Variants in SYNE1 observed in about 807,000 individuals in gnomAD.
SYNE1 encodes the protein spectrin repeat containing nuclear envelope protein 1, also known as nesprin-1.
A neutral mutation model predicts 1,111.0 loss-of-function variants in SYNE1; 616 were observed. That is an observed-to-expected ratio of 0.55 (90% CI 0.52 to 0.59). The LOEUF (loss-of-function observed/expected upper bound fraction) is 0.59. Among genes scored for constraint, SYNE1 ranks in the 20% least tolerant of loss-of-function variants. The pLI is 0.00. For missense variants in SYNE1, 10,006 were observed against 10,417.0 expected (o/e 0.96, Z 1.72); for synonymous variants, 3,855 against 3,825.8 (o/e 1.01, Z -0.28).
chr6:152,207,528 A>G (rs2076739402), intron 125 of SYNE1, among the ~76,000 whole-genome samples: 1 of 152,204 alleles, frequency 6.6e-6, no homozygotes, highest in Non-Finnish European at 1.5e-5. Flanking sequence ...GTGATAGGAG[A>G]TATCTCTCTA....
chr6:152,225,664 G>C, intron 116 of SYNE1, 57 bp downstream of exon 116: 1 of 1,609,986 alleles, frequency 6.2e-7, no homozygotes, highest in Non-Finnish European at 8.5e-7. Context: ...AAAACCCAGA[G>C]TTTGGACAGA....
chr6:152,306,312 C>T lies in SYNE1; in HGVS notation c.17346+2177G>A, dbSNP rs550338814. On this transcript the variant is annotated intron_variant, in intron 91 of 145. Transcript: ENST00000367255. ...ACCAGCCTGGCCAACGTGGTGAAAC[C>T]CCGTCTCTACTAAAAATACAAAAAT... Among the ~76,000 whole-genome samples, 4 of 151,902 alleles carry T rather than the reference C, an allele frequency of 2.6e-5. No individual in the cohort carries two copies. In the East Asian group the frequency reaches 7.8e-4, roughly 30 times the overall value.
chr6:152,354,566 G>A, intron 67 of SYNE1, 93 bp downstream of exon 67: 1 of 1,510,350 alleles, frequency 6.6e-7, no homozygotes, highest in African/African-American at 1.4e-5. Flanking sequence ...CAAAGCCTAA[G>A]CTTTGGATAA....
At position 152,208,036 on chromosome 6, in the gene SYNE1, A is replaced by C; in HGVS notation, c.22760T>G (p.Met7587Arg). Residue 7587 changes from methionine (M) to arginine (R), a missense_variant, in exon 125 of 146, where the codon ATG becomes AGG. By Grantham distance (91) the Met-to-Arg change is moderately conservative. Transcript: ENST00000367255. ...TATAGGAACACTTCCGAGACCACTC[A>C]TGGGGAGGTAGGACACTTCAACCAA... ...KWLVEVSYLPMSGLGSVPIPL... is the reference protein window; with the variant it reads ...KWLVEVSYLPRSGLGSVPIPL... The C allele has an allele frequency of 6.2e-7, 1 of 1,614,146 alleles. No homozygotes were observed. Among genetic ancestry groups the C allele is most frequent in the Non-Finnish European group, 8.5e-7 (1 of 1,180,028 alleles).
intron 44 of SYNE1, among the ~76,000 whole-genome samples, chr6:152,408,832 A>T (rs2097951058): frequency 3.3e-5 from 5 of 152,114 alleles, no homozygotes; most frequent in Admixed American, 3.3e-4. Context: ...GCATGCCTGT[A>T]ATCCCAGCTA....
chr6:152,459,005 G>A, intron 21 of SYNE1, 75 bp from the exon 22 acceptor site: 2 of 1,301,406 alleles, frequency 1.5e-6, no homozygotes, highest in East Asian at 2.4e-5. Flanking sequence ...TCATAGCTCT[G>A]AGGAACATTT....
chr6:152,213,846 G>A (rs2078025333), intron 122 of SYNE1, 87 bp from the exon 123 acceptor site: 2 of 1,565,692 alleles, frequency 1.3e-6, no homozygotes, highest in African/African-American at 1.4e-5. Flanking sequence ...AATAATCTCT[G>A]TGCTCAATTC....
At chr6:152,458,701 C>T (rs2098712910) in intron 22 of SYNE1, 56 bp downstream of exon 22, 4 of 1,577,760 alleles carry the variant, frequency 2.5e-6, no homozygotes, top group Admixed American at 1.7e-5. Flanking sequence ...AAGCAACACC[C>T]TGGTCTTGTT....
intron 87 of SYNE1, 139 bp downstream of exon 87, chr6:152,316,710 C>G: frequency 1.1e-6 from 1 of 906,046 alleles, no homozygotes. Flanking sequence ...TACTGAACAA[C>G]TTAGGGGTAC....
chr6:152,446,342 T>C (rs2098591506), intron 29 of SYNE1, among the ~76,000 whole-genome samples: 1 of 152,160 alleles, frequency 6.6e-6, no homozygotes. Flanking sequence ...AAATAGGTTA[T>C]GTTCCAAAAT....
At position 152,442,178 on chromosome 6, in the gene SYNE1, C is replaced by G; in HGVS notation, c.3905G>C (p.Gly1302Ala). Residue 1302 changes from glycine (G) to alanine (A), a missense_variant, in exon 31 of 146, where the codon GGA becomes GCA. Transcript: ENST00000367255. ...VQQQIAQAQQ[G>A]EGGLPDRGHE... ...GCCTCGGTCAGGCAGCCCCCCTTCT[C>G]CCTGCTGCGCCTGCGCGATCTGCTG... 1 of 1,613,792 alleles carries G rather than the reference C, an allele frequency of 6.2e-7. No individual in the cohort carries two copies. The highest frequency in any genetic ancestry group is 2.2e-5 in the East Asian group (1 of 44,880).
chr6:152,450,845 T>A lies in SYNE1; in HGVS notation c.3187-12A>T. ...TCACTGAAGAAAACCTAATGTGTAA[T>A]AAATGTTTTTATAATCCCTGTGAGA... is the stretch of plus-strand genomic sequence containing the variant. On this transcript the variant is annotated splice_polypyrimidine_tract_variant and intron_variant, in intron 26 of 145. Transcript: ENST00000367255. The A allele has an allele frequency of 4.3e-6, 7 of 1,613,282 alleles. No individual in the cohort carries two copies. The highest frequency in any genetic ancestry group is 5.1e-6 in the Non-Finnish European group (6 of 1,179,494).
At chr6:152,323,361 C>T (rs1211463189) in intron 82 of SYNE1, 117 bp downstream of exon 82, 4 of 1,468,390 alleles carry the variant, frequency 2.7e-6, no homozygotes, top group Non-Finnish European at 3.7e-6. Context: ...ATGGCGTGAA[C>T]CCGGGAGGCG....
intron 126 of SYNE1, among the ~76,000 whole-genome samples, chr6:152,204,060 T>C (rs2076027664): frequency 6.6e-6 from 1 of 152,142 alleles, no homozygotes; most frequent in Non-Finnish European, 1.5e-5. Context: ...AAAAATTTAT[T>C]GATCTAAAAG....
At chr6:152,392,401 T>C (rs1399377648) in intron 51 of SYNE1, among the ~76,000 whole-genome samples, 2 of 152,312 alleles carry the variant, frequency 1.3e-5, no homozygotes, top group Middle Eastern at 3.4e-3. Context: ...TGTGGCTTGG[T>C]TGGTTTTATT....
At chr6:152,458,380 G>A (rs2098710857) in intron 22 of SYNE1, among the ~76,000 whole-genome samples, 1 of 152,178 alleles carries the variant, frequency 6.6e-6, no homozygotes, top group South Asian at 2.1e-4. Context: ...GCACACAGCA[G>A]ATGTTTATAA....
intron 67 of SYNE1, 122 bp downstream of exon 67, chr6:152,354,537 G>A (rs2154050323): frequency 9.3e-7 from 1 of 1,080,430 alleles, no homozygotes; most frequent in Non-Finnish European, 1.4e-6. Flanking sequence ...TAACTTTCTA[G>A]GTAATCAAAA....
rs943270737 is a variant in SYNE1, at chr6:152,331,561, G to A, written c.13124C>T (p.Pro4375Leu). The part of the protein sequence containing the change: ...PNIAEALKQS[P>L]PPDMAQNLLM... ...AAGGTTCTGAGCCATATCTGGAGGA[G>A]GGCTCTGCTTAAGGGCCTCGGCGAT... Residue 4375 changes from proline to leucine, a missense_variant, in exon 78 of 146, where the codon CCT becomes CTT. Physicochemically the swap from Pro to Leu is moderately conservative, Grantham distance 98. Transcript: ENST00000367255. 1 of 1,614,030 alleles carries A rather than the reference G, an allele frequency of 6.2e-7. No homozygotes were observed. The highest frequency in any genetic ancestry group is 1.3e-5 in the African/African-American group (1 of 74,912).
Position 152,221,505 on chromosome 6 carries a change from T to C in SYNE1, c.21577A>G (p.Ile7193Val). 6.2e-7 allele frequency: 1 copy of C among 1,614,030 alleles called. No individual in the cohort carries two copies. The highest frequency in any genetic ancestry group is 1.1e-5 in the South Asian group (1 of 91,082). Residue 7193 changes from isoleucine to valine, a missense_variant, in exon 118 of 146, where the codon ATC becomes GTC. Ile to Val is a conservative substitution (Grantham distance 29). This residue lies in a region of SYNE1 where 2,182 missense variants were observed against 2,287.8 expected (regional missense o/e 0.95). Transcript: ENST00000367255. ...QERSLQKFGS[I>V]TNQLLKECHP... ...CACTCTTTTAATAATTGGTTGGTGA[T>C]AGAGCCAAATTTCTGTAAGCTCCTT... is the stretch of plus-strand genomic sequence containing the variant.
Sources: gnomAD v4.1 joint callset for allele counts (sites outside exome capture counted in the v4.1 genomes callset) on GRCh38, gnomAD v4.1.1 for gene constraint, gnomAD v4.1.1 regional missense constraint, MANE v1.5 for transcripts, NCBI Gene and HGNC (gene_info 2026-07-23, HGNC 2026-07-21) for gene names.